Variants in NAALADL2 observed in about 807,000 individuals in gnomAD.
NAALADL2 encodes the protein inactive N-acetylated-alpha-linked acidic dipeptidase-like protein 2.
In NAALADL2, 76 loss-of-function variants were observed where a neutral mutation model predicts 87.2. The ratio of observed to expected loss-of-function variants is 0.87; its 90% confidence interval spans 0.72 to 1.05. The LOEUF (loss-of-function observed/expected upper bound fraction) is 1.05, where lower values mean the gene tolerates loss of function less well. NAALADL2 is among the 50% of genes least tolerant of loss of function. The pLI is 0.00. For synonymous variants in NAALADL2, 354 were observed against 331.0 expected (o/e 1.07, Z -0.75); for missense variants, 1,089 against 945.8 (o/e 1.15, Z -1.99).
intron 3 of NAALADL2, among the ~76,000 whole-genome samples, chr3:174,835,055 A>G (rs1050575708): frequency 2.0e-5 from 3 of 151,986 alleles, no homozygotes; most frequent in African/African-American, 7.2e-5. Flanking sequence ...TACATACTAT[A>G]GAATTAGAAT....
intron 2 of NAALADL2, among the ~76,000 whole-genome samples, chr3:175,127,780 G>A (rs773355412): frequency 3.9e-5 from 6 of 151,942 alleles, no homozygotes; most frequent in Non-Finnish European, 7.4e-5. Flanking sequence ...ACTACTCAGG[G>A]TACTGAGGCA....
intron 2 of NAALADL2, among the ~76,000 whole-genome samples, chr3:175,168,239 CA>C (rs1016824757): frequency 6.6e-6 from 1 of 151,656 alleles, no homozygotes; most frequent in Non-Finnish European, 1.5e-5. Flanking sequence ...AGAGATAACC[CA>C]AAACAAAGGC....
chr3:175,738,961 G>A (rs1369184119), intron 12 of NAALADL2, among the ~76,000 whole-genome samples: 1 of 152,018 alleles, frequency 6.6e-6, no homozygotes, highest in African/African-American at 2.4e-5. Context: ...TCTGTAAACT[G>A]TTTTGCTGTT....
intron 11 of NAALADL2, among the ~76,000 whole-genome samples, chr3:175,733,465 G>T (rs1002025384): frequency 1.3e-5 from 2 of 152,180 alleles, no homozygotes; most frequent in Admixed American, 6.5e-5. Flanking sequence ...CCGCTCCCAT[G>T]ATTCAATCAT....
chr3:175,131,391 A>C (rs1490222931), intron 2 of NAALADL2, among the ~76,000 whole-genome samples: 3 of 152,218 alleles, frequency 2.0e-5, no homozygotes, highest in Non-Finnish European at 4.4e-5. Flanking sequence ...CTGTTTAACA[A>C]AGCACATCTT....
chr3:175,303,534 A>C (rs574426787), intron 4 of NAALADL2, among the ~76,000 whole-genome samples: 1 of 152,160 alleles, frequency 6.6e-6, no homozygotes, highest in Admixed American at 6.5e-5. Context: ...GTATAGCTAC[A>C]TCTGACATGA....
chr3:175,548,529 G>T (rs761917368), intron 9 of NAALADL2, among the ~76,000 whole-genome samples: 1 of 151,994 alleles, frequency 6.6e-6, no homozygotes, highest in Non-Finnish European at 1.5e-5. Flanking sequence ...TAGCAAACTT[G>T]CATTTGTACC....
At chr3:174,967,254 T>A (rs1743006293) in intron 1 of NAALADL2, among the ~76,000 whole-genome samples, 5 of 151,722 alleles carry the variant, frequency 3.3e-5, no homozygotes, top group African/African-American at 1.2e-4. Context: ...TCATATATTA[T>A]ATGCAATAGG....
chr3:174,947,500 A>G (rs1288508233), intron 1 of NAALADL2, among the ~76,000 whole-genome samples: 1 of 152,152 alleles, frequency 6.6e-6, no homozygotes, highest in East Asian at 1.9e-4. Flanking sequence ...TGTAATTTGA[A>G]TTTTTAAAAA....
rs181822371 is a variant in NAALADL2 at position 174,527,768 on chromosome 3, A to G, written c.-183-22801A>G. Among the ~76,000 whole-genome samples, 561 of 152,312 alleles carry G rather than the reference A, an allele frequency of 3.7e-3. 5 individuals carry two copies. The highest frequency in any genetic ancestry group is 0.013 in the African/African-American group (524 of 41,552). On this transcript the variant is annotated intron_variant, in intron 1 of 3. Coordinates refer to the NAALADL2 transcript ENST00000434257. ...ACATCCATCACATTTGCTTGAAATTATATTCAAACATAAGTGTTTCTTATG... is the reference window on the plus strand; with the variant it reads ...ACATCCATCACATTTGCTTGAAATTGTATTCAAACATAAGTGTTTCTTATG...
intron 11 of NAALADL2, among the ~76,000 whole-genome samples, chr3:175,729,199 A>T (rs1743336286): frequency 6.6e-6 from 1 of 152,184 alleles, no homozygotes; most frequent in African/African-American, 2.4e-5. Flanking sequence ...TATCTCTAAC[A>T]GGAAAGTAAG....
intron 4 of NAALADL2, among the ~76,000 whole-genome samples, chr3:175,273,850 A>T (rs1753203600): frequency 6.6e-6 from 1 of 152,080 alleles, no homozygotes; most frequent in Non-Finnish European, 1.5e-5. Context: ...GTTTATTCAA[A>T]GTAACTTACA....
At chr3:174,450,672 C>G (rs1715415769) in intron 1 of NAALADL2, among the ~76,000 whole-genome samples, 1 of 151,944 alleles carries the variant, frequency 6.6e-6, no homozygotes, top group African/African-American at 2.4e-5. Flanking sequence ...GAGTTCAAGA[C>G]CAGCCTGGCC....
intron 1 of NAALADL2, among the ~76,000 whole-genome samples, chr3:174,897,352 G>A (rs1256581836): frequency 6.6e-6 from 1 of 151,574 alleles, no homozygotes; most frequent in African/African-American, 2.4e-5. Flanking sequence ...CAAAAAGTGG[G>A]CAAAATATTT....
chr3:175,129,480 C>T (rs1313974566), intron 2 of NAALADL2, among the ~76,000 whole-genome samples: 1 of 152,154 alleles, frequency 6.6e-6, no homozygotes, highest in Non-Finnish European at 1.5e-5. Flanking sequence ...ATTCCCCACC[C>T]CTGTCCAGTC....
At chr3:174,633,015 GTTTA>G (rs1221993952) in intron 2 of NAALADL2, among the ~76,000 whole-genome samples, 1 of 149,590 alleles carries the variant, frequency 6.7e-6, no homozygotes, top group Non-Finnish European at 1.5e-5. Flanking sequence ...CTTAATGAAT[GTTTA>G]TTGTTATAAA....
chr3:174,685,036 T>A (rs1727899959), intron 2 of NAALADL2, among the ~76,000 whole-genome samples: 1 of 151,858 alleles, frequency 6.6e-6, no homozygotes, highest in Non-Finnish European at 1.5e-5. Context: ...GATCTTTTTT[T>A]ATCTACACTC....
chr3:175,058,636 A>C (rs1205297364), intron 1 of NAALADL2, among the ~76,000 whole-genome samples: 2 of 152,172 alleles, frequency 1.3e-5, no homozygotes, highest in Admixed American at 1.3e-4. Context: ...AAAAGAGAAA[A>C]AGCACATGCA....
At chr3:175,431,096 G>A (rs1281432958) in intron 5 of NAALADL2, among the ~76,000 whole-genome samples, 8 of 152,032 alleles carry the variant, frequency 5.3e-5, no homozygotes, top group Non-Finnish European at 8.8e-5. Flanking sequence ...TCTAAAAATA[G>A]CCATCTTGCT....
Sources: gnomAD v4.1 joint callset for allele counts (sites outside exome capture counted in the v4.1 genomes callset) on GRCh38, gnomAD v4.1.1 for gene constraint, MANE v1.5 for transcripts, NCBI Gene and HGNC (gene_info 2026-07-23, HGNC 2026-07-21) for gene names.